The following NALF1 variants were observed in gnomAD, a reference collection of about 807,000 sequenced individuals.
NALF1 encodes NALCN channel auxiliary factor 1.
In NALF1, 3 loss-of-function variants were observed where a neutral mutation model predicts 48.4. The ratio of observed to expected loss-of-function variants is 0.06; its 90% confidence interval spans 0.03 to 0.16. NALF1 has a LOEUF of 0.16. Among genes scored for constraint, NALF1 ranks in the 10% least tolerant of loss-of-function variants. NALF1 has a pLI of 1.00. For synonymous variants in NALF1, 262 were observed against 245.7 expected, an observed-to-expected ratio of 1.07 and a Z score of -0.62; for missense variants, 526 against 571.5, an observed-to-expected ratio of 0.92 and a Z score of 0.81.
intron 1 of NALF1, among the ~76,000 whole-genome samples, chr13:107,270,773 C>T (rs1207349680): frequency 1.3e-5 from 2 of 151,722 alleles, no homozygotes; most frequent in Non-Finnish European, 2.9e-5. Flanking sequence ...ATTAACTCGT[C>T]ATTTAGCATT....
chr13:107,235,021 C>G (rs755696025), intron 1 of NALF1, among the ~76,000 whole-genome samples: 1 of 152,146 alleles, frequency 6.6e-6, no homozygotes, highest in Non-Finnish European at 1.5e-5. Flanking sequence ...CCCCATTTAG[C>G]CTTCCTTTGG....
chr13:107,779,222 T>C (rs1294246854), intron 1 of NALF1, among the ~76,000 whole-genome samples: 1 of 152,256 alleles, frequency 6.6e-6, no homozygotes, highest in Non-Finnish European at 1.5e-5. Context: ...CCTGCATTCT[T>C]ATAAAATTAA....
At chr13:107,531,197 G>A (rs1222327770) in intron 1 of NALF1, 1 of 168,472 alleles carries the variant, frequency 5.9e-6, no homozygotes, top group Admixed American at 6.5e-5. Flanking sequence ...ATGTTGAAAT[G>A]TAATCCCCAA....
At chr13:107,682,752 G>A (rs1462365728) in intron 1 of NALF1, among the ~76,000 whole-genome samples, 1 of 152,112 alleles carries the variant, frequency 6.6e-6, no homozygotes, top group African/African-American at 2.4e-5. Flanking sequence ...CTCCTAGGCA[G>A]GGGTCCTCCA....
At chr13:107,635,205 T>G (rs990209659) in intron 1 of NALF1, among the ~76,000 whole-genome samples, 1 of 152,252 alleles carries the variant, frequency 6.6e-6, no homozygotes, top group Middle Eastern at 3.4e-3. Flanking sequence ...CATACTGCTA[T>G]GAAGACATAC....
chr13:107,335,624 T>C (rs577859568), intron 1 of NALF1, among the ~76,000 whole-genome samples: 3 of 152,350 alleles, frequency 2.0e-5, no homozygotes, highest in East Asian at 1.9e-4. Context: ...TTTAGAAATA[T>C]AGTTGATTGT....
intron 1 of NALF1, among the ~76,000 whole-genome samples, chr13:107,269,772 C>T (rs1433961412): frequency 6.6e-6 from 1 of 151,448 alleles, no homozygotes; most frequent in African/African-American, 2.4e-5. Context: ...TGTGATGTTA[C>T]AAGCAATTCT....
At chr13:107,300,411 T>C (rs1048307170) in intron 1 of NALF1, among the ~76,000 whole-genome samples, 4 of 152,178 alleles carry the variant, frequency 2.6e-5, no homozygotes, top group Non-Finnish European at 4.4e-5. Flanking sequence ...TGTTGTTTCA[T>C]TAAACAAGGT....
chr13:107,222,753 G>T (rs1284888376), intron 1 of NALF1, among the ~76,000 whole-genome samples: 1 of 152,152 alleles, frequency 6.6e-6, no homozygotes, highest in East Asian at 1.9e-4. Context: ...ATTAACATAA[G>T]GGCAAGAACC....
chr13:107,434,897 C>T (rs565112788), intron 1 of NALF1, among the ~76,000 whole-genome samples: 2 of 148,594 alleles, frequency 1.3e-5, no homozygotes, highest in Admixed American at 6.7e-5. Context: ...ATACACACAC[C>T]CTGACGTGGC....
chr13:107,556,987 T>C (rs1877501088), intron 1 of NALF1, among the ~76,000 whole-genome samples: 1 of 152,204 alleles, frequency 6.6e-6, no homozygotes, highest in Non-Finnish European at 1.5e-5. Flanking sequence ...TTGTATAATG[T>C]GATTTTTCAA....
intron 1 of NALF1, among the ~76,000 whole-genome samples, chr13:107,597,225 C>G (rs1302221271): frequency 6.6e-6 from 1 of 152,158 alleles, no homozygotes; most frequent in Non-Finnish European, 1.5e-5. Context: ...CATAAAGCAG[C>G]AGGTGTATTA....
intron 1 of NALF1, among the ~76,000 whole-genome samples, chr13:107,341,639 A>G (rs2138935290): frequency 6.6e-6 from 1 of 151,410 alleles, no homozygotes; most frequent in Non-Finnish European, 1.5e-5. Flanking sequence ...ATATATATAC[A>G]CTTGGGTACA....
At chr13:107,736,066 G>A (rs749960656) in intron 1 of NALF1, among the ~76,000 whole-genome samples, 8 of 152,030 alleles carry the variant, frequency 5.3e-5, no homozygotes, top group East Asian at 3.9e-4. Flanking sequence ...ATAGACATGC[G>A]CTGACTGGAT....
intron 1 of NALF1, among the ~76,000 whole-genome samples, chr13:107,546,171 T>C (rs12430496): frequency 0.51 from 78,070 of 151,926 alleles, 20,332 homozygotes; most frequent in Admixed American, 0.58. Context: ...CTGGGGCCAG[T>C]GTGCCAACAA....
chr13:107,318,371 AAGTTACTG>A (rs2138911197), intron 1 of NALF1, among the ~76,000 whole-genome samples: 1 of 152,218 alleles, frequency 6.6e-6, no homozygotes, highest in Admixed American at 6.6e-5. Flanking sequence ...ATGGCTCTTT[AAGTTACTG>A]AGTTATTGAA....
intron 1 of NALF1, among the ~76,000 whole-genome samples, chr13:107,606,497 C>G (rs906584746): frequency 3.9e-4 from 60 of 152,034 alleles, no homozygotes; most frequent in African/African-American, 1.4e-3. Flanking sequence ...TCCTAAGTAG[C>G]TGGGATTACA....
intron 1 of NALF1, among the ~76,000 whole-genome samples, chr13:107,325,841 AACACACAC>A (rs149568387): frequency 0.027 from 2,083 of 77,404 alleles, 60 homozygotes; most frequent in East Asian, 0.12. Context: ...ACTGTGTCTC[AACACACAC>A]ACACACATAT....
intron 1 of NALF1, among the ~76,000 whole-genome samples, chr13:107,537,757 C>G (rs994768114): frequency 5.9e-5 from 9 of 152,120 alleles, no homozygotes; most frequent in Non-Finnish European, 1.0e-4. Context: ...GTGGCTCATG[C>G]CTATAATCCC....
Sources: allele counts gnomAD v4.1 joint callset (sites outside exome capture counted in the v4.1 genomes callset), GRCh38; gene constraint gnomAD v4.1.1; transcripts MANE v1.5; gene names NCBI Gene and HGNC (gene_info 2026-07-23, HGNC 2026-07-21).